Variants in BPGM observed in about 807,000 individuals in gnomAD.
The protein encoded by BPGM is 2,3-bisphosphoglycerate mutase, erythrocyte.
In BPGM, 15 loss-of-function variants were observed where a neutral mutation model predicts 21.6. The observed-to-expected ratio is 0.70, with a 90% confidence interval of 0.47 to 1.07. The LOEUF (loss-of-function observed/expected upper bound fraction) is 1.07, where lower values mean the gene tolerates loss of function less well. BPGM is among the 50% of genes least tolerant of loss of function. The probability of loss-of-function intolerance (pLI) is 0.00; values close to 1 mark genes in which losing one functional copy is unlikely to be tolerated. For synonymous variants in BPGM, 113 were observed against 116.2 expected (o/e 0.97, Z 0.18); for missense variants, 273 against 319.0 (o/e 0.86, Z 1.10).
At chr7:134,657,728 A>T (rs1585855227) in intron 1 of BPGM, among the ~76,000 whole-genome samples, 1 of 152,100 alleles carries the variant, frequency 6.6e-6, no homozygotes, top group Non-Finnish European at 1.5e-5. Context: ...GCTGAGTGGG[A>T]GTTTGAGGAC....
chr7:134,648,133 T>TTTG (rs1344073453), intron 1 of BPGM, among the ~76,000 whole-genome samples: 4 of 134,672 alleles, frequency 3.0e-5, no homozygotes, highest in Non-Finnish European at 6.2e-5. Context: ...TTTGTTTTGG[T>TTTG]TTTTTTTTTG....
At chr7:134,668,133 A>T (rs140671235) in intron 2 of BPGM, among the ~76,000 whole-genome samples, 108 of 152,282 alleles carry the variant, frequency 7.1e-4, no homozygotes, top group African/African-American at 2.5e-3. Flanking sequence ...TGATATTATG[A>T]CACTGTAGGC....
At chr7:134,651,726 G>T (rs954922941) in intron 1 of BPGM, among the ~76,000 whole-genome samples, 1 of 152,072 alleles carries the variant, frequency 6.6e-6, no homozygotes, top group Non-Finnish European at 1.5e-5. Context: ...CAATTTTATG[G>T]TGGCATTATG....
At chr7:134,660,012 C>T (rs1443285101) in intron 1 of BPGM, among the ~76,000 whole-genome samples, 1 of 152,198 alleles carries the variant, frequency 6.6e-6, no homozygotes, top group African/African-American at 2.4e-5. Context: ...ACAAAATCAC[C>T]TAATGATGCA....
At chr7:134,659,958 A>G (rs1230798170) in intron 1 of BPGM, among the ~76,000 whole-genome samples, 2 of 152,206 alleles carry the variant, frequency 1.3e-5, no homozygotes, top group African/African-American at 4.8e-5. Flanking sequence ...AACAATATGT[A>G]TACCATCTAG....
rs551460782 is a variant in BPGM, at chr7:134,661,225, T to A, written c.-61-222T>A. Among the ~76,000 whole-genome samples the A allele has an allele frequency of 1.3e-5, 2 of 152,252 alleles. No homozygotes were observed. Among genetic ancestry groups the A allele is most frequent in the Non-Finnish European group, 2.9e-5 (2 of 68,040 alleles). On this transcript the variant is annotated intron_variant, in intron 1 of 2. Coordinates refer to ENST00000344924, the MANE Select transcript of BPGM (RefSeq NM_001724.5). This position sits in a 1 kb window ranked among gnomAD's most constrained non-coding sequence, Gnocchi z 4.6. Reference sequence around the variant, plus strand: ...GTTATTTTATGTCATGCAATTAACATGCTATCCAAACATCAGAAAATTTAA... The same window carrying A: ...GTTATTTTATGTCATGCAATTAACAAGCTATCCAAACATCAGAAAATTTAA...
chr7:134,678,837 C>T lies in BPGM; in HGVS notation c.602-16C>T, dbSNP rs1443888009. 6.2e-7 allele frequency: 1 copy of T among 1,611,070 alleles called. No individual in the cohort carries two copies. The highest frequency in any genetic ancestry group is 2.2e-5 in the East Asian group (1 of 44,856). ...TTGTGTTTTAACACCTGGTCTCTTC[C>T]TGTCCTGATCAACAGGTATCTCAGA... On this transcript the variant is annotated splice_polypyrimidine_tract_variant and intron_variant, in intron 2 of 2. Coordinates refer to ENST00000344924, the MANE Select transcript of BPGM (RefSeq NM_001724.5).
chr7:134,678,816 G>T (rs1554413898), intron 2 of BPGM, 37 bp from the exon 3 acceptor site: 1 of 1,587,198 alleles, frequency 6.3e-7, no homozygotes, highest in Non-Finnish European at 8.7e-7. Flanking sequence ...CCTGAGTTGT[G>T]TTTTAACACC....
At chr7:134,678,430 AT>A (rs1193258597) in intron 2 of BPGM, among the ~76,000 whole-genome samples, 1 of 152,214 alleles carries the variant, frequency 6.6e-6, no homozygotes, top group African/African-American at 2.4e-5. Flanking sequence ...AGATTTAGAG[AT>A]TAGCGAAAAG....
intron 1 of BPGM, among the ~76,000 whole-genome samples, chr7:134,651,741 G>A (rs1233530412): frequency 6.6e-6 from 1 of 152,126 alleles, no homozygotes; most frequent in African/African-American, 2.4e-5. Context: ...ATTATGGAAA[G>A]AATATTCTTT....
At chr7:134,672,635 G>A (rs924533205) in intron 2 of BPGM, among the ~76,000 whole-genome samples, 6 of 151,988 alleles carry the variant, frequency 3.9e-5, no homozygotes, top group Non-Finnish European at 8.8e-5. Flanking sequence ...AACTGCATAG[G>A]TTCACTTATA....
chr7:134,656,602 A>G (rs116779848), intron 1 of BPGM, among the ~76,000 whole-genome samples: 1,525 of 152,292 alleles, frequency 0.01, 26 homozygotes, highest in African/African-American at 0.034. Flanking sequence ...GTATAAGTGA[A>G]GTGGGGGCAA....
chr7:134,650,782 G>A (rs1245965740), intron 1 of BPGM, among the ~76,000 whole-genome samples: 1 of 152,148 alleles, frequency 6.6e-6, no homozygotes, highest in Non-Finnish European at 1.5e-5. Context: ...AAAATTAGCC[G>A]GGCGTGGTGA....
intron 2 of BPGM, among the ~76,000 whole-genome samples, chr7:134,672,346 G>C (rs1402553942): frequency 6.6e-6 from 1 of 152,032 alleles, no homozygotes; most frequent in African/African-American, 2.4e-5. Context: ...GGGTAGCTGT[G>C]AAGGGAAACA....
chr7:134,679,264 A>G lies in BPGM; in HGVS notation c.*233A>G. The G allele has an allele frequency of 1.9e-6, 1 of 535,406 alleles. No individual in the cohort carries two copies. Among genetic ancestry groups the G allele is most frequent in the Non-Finnish European group, 3.3e-6 (1 of 299,018 alleles). 33.2% of individuals were successfully genotyped at this position (535,406 alleles called of 1,614,324 possible). On this transcript the variant is annotated 3_prime_UTR_variant, in exon 3 of 3. Transcript: ENST00000344924. ...TGCTAGCCCCCTAGTCGGTCACCAA[A>G]CTAGTAACTAGTGGGGCTTAATGAA...
At chr7:134,651,218 A>G (rs1795550266) in intron 1 of BPGM, among the ~76,000 whole-genome samples, 1 of 152,206 alleles carries the variant, frequency 6.6e-6, no homozygotes, top group African/African-American at 2.4e-5. Context: ...GTCTTATTTT[A>G]TATAACTTCA....
intron 2 of BPGM, among the ~76,000 whole-genome samples, chr7:134,668,338 A>G (rs1347836590): frequency 6.6e-6 from 1 of 152,186 alleles, no homozygotes; most frequent in African/African-American, 2.4e-5. Flanking sequence ...ACTTTTTTCT[A>G]AAAGGTAGCC....
chr7:134,669,141 A>G (rs1252116609), intron 2 of BPGM, among the ~76,000 whole-genome samples: 1 of 152,212 alleles, frequency 6.6e-6, no homozygotes, highest in Non-Finnish European at 1.5e-5. Context: ...AATAGACTAC[A>G]TTAGTCAATT....
intron 2 of BPGM, among the ~76,000 whole-genome samples, chr7:134,665,201 C>G (rs1795796246): frequency 6.6e-6 from 1 of 151,952 alleles, no homozygotes; most frequent in Non-Finnish European, 1.5e-5. Flanking sequence ...GAAGTGATAA[C>G]AAAACTGAAA....
Sources: allele counts gnomAD v4.1 joint callset (sites outside exome capture counted in the v4.1 genomes callset), GRCh38; gene constraint gnomAD v4.1.1; non-coding constraint Gnocchi (gnomAD v3.1); transcripts MANE v1.5; gene names NCBI Gene and HGNC (gene_info 2026-07-23, HGNC 2026-07-21).